Variants in CCND3 observed in about 807,000 individuals in gnomAD.
CCND3 encodes the protein cyclin D3.
A neutral mutation model predicts 28.7 loss-of-function variants in CCND3; 9 were observed. The ratio of observed to expected loss-of-function variants is 0.31; its 90% CI spans 0.19 to 0.55. CCND3 has a LOEUF of 0.55. CCND3 is among the 20% of genes least tolerant of loss of function. The pLI is 0.93. For synonymous variants in CCND3, 164 were observed against 163.9 expected, an observed-to-expected ratio of 1.00 and a Z score of 0.00; for missense variants, 315 against 385.8, an observed-to-expected ratio of 0.82 and a Z score of 1.54.
At chr6:41,985,925 GGC>G (rs1480684919) in intron 1 of CCND3, among the ~76,000 whole-genome samples, 150 of 1,944 alleles carry the variant, frequency 0.077, 2 homozygotes, top group Middle Eastern at 0.5. Flanking sequence ...CACCGCGCCC[GGC>G]CCAGTTTAAG....
At chr6:41,945,691 G>A (rs1372894579), upstream of CCND3, among the ~76,000 whole-genome samples, 2 of 152,206 alleles carry the variant, frequency 1.3e-5, no homozygotes, top group African/African-American at 4.8e-5. Context: ...TCTGGAGTCA[G>A]AGACTGCTTT....
In CCND3 at chr6:41,936,718, C is replaced by T. The variant is rs374101322; in HGVS notation, c.575-23G>A. The T allele has an allele frequency of 6.2e-7, 1 of 1,608,248 alleles. No individual in the cohort carries two copies. The highest frequency in any genetic ancestry group is 1.1e-5 in the South Asian group (1 of 90,684). Reference sequence around the variant, plus strand: ...AATCTTGGAGAGGAGGAAAGGGAACCATGAGAGAAGGAAACCTGAAGGATA... The same window carrying T: ...AATCTTGGAGAGGAGGAAAGGGAACTATGAGAGAAGGAAACCTGAAGGATA... On this transcript the variant is annotated intron_variant, in intron 3 of 4. Coordinates refer to ENST00000372991, the MANE Select transcript of CCND3 (RefSeq NM_001760.5). This position sits in a 1 kb window ranked among gnomAD's most constrained non-coding sequence, Gnocchi z 4.4.
chr6:41,975,710 C>T (rs1762159484), intron 1 of CCND3, among the ~76,000 whole-genome samples: 1 of 151,626 alleles, frequency 6.6e-6, no homozygotes. Flanking sequence ...GGCTACCTCT[C>T]CACTCACTGA....
chr6:41,947,357 C>T (rs1170916317), intron 1 of CCND3, among the ~76,000 whole-genome samples: 1 of 152,188 alleles, frequency 6.6e-6, no homozygotes, highest in East Asian at 1.9e-4. Context: ...CTGGAGGCTG[C>T]CTTCTTGGCA....
intron 1 of CCND3, among the ~76,000 whole-genome samples, chr6:42,043,892 A>AC (rs1764444647): frequency 6.6e-6 from 1 of 152,010 alleles, no homozygotes; most frequent in East Asian, 1.9e-4. Context: ...GGGGAATTTC[A>AC]CCCAGGGTGG....
chr6:41,959,263 G>A (rs1188510003), intron 1 of CCND3, among the ~76,000 whole-genome samples: 2 of 152,222 alleles, frequency 1.3e-5, no homozygotes, highest in East Asian at 3.9e-4. Context: ...GCGGTGAGCC[G>A]AGATTGCCTC....
chr6:41,972,634 T>C (rs1434105744), intron 1 of CCND3, among the ~76,000 whole-genome samples: 2 of 152,256 alleles, frequency 1.3e-5, no homozygotes, highest in South Asian at 4.1e-4. Context: ...AAGTGCACAG[T>C]ACTGTGCTGA....
chr6:41,946,595 C>CAAAAAA (rs35369019), upstream of CCND3, among the ~76,000 whole-genome samples: 184 of 20,914 alleles, frequency 8.8e-3, 42 homozygotes, highest in African/African-American at 0.023. Flanking sequence ...AGACCTGTCT[C>CAAAAAA]AAAAAAAAAA....
Position 41,975,806 on chromosome 6 carries a change from C to A in CCND3, c.-45-35221G>T, listed in dbSNP as rs145183244. ...TTCCTAGATATGTGAATTTTGTGGG[C>A]TAGTGACAACCAAGCCTTGATTGGA... On this transcript the variant is annotated intron_variant, in intron 1 of 4. Coordinates refer to the CCND3 transcript ENST00000372988. 2.5e-3 allele frequency among the ~76,000 whole-genome samples: 378 copies of A among 149,950 alleles called. 2 individuals are homozygous for A. The highest frequency in any genetic ancestry group is 8.9e-3 in the African/African-American group (360 of 40,628).
At chr6:41,948,916 A>G (rs1776237426) in intron 1 of CCND3, among the ~76,000 whole-genome samples, 1 of 152,176 alleles carries the variant, frequency 6.6e-6, no homozygotes. Context: ...GGCAACTCAC[A>G]TGGGGTTAAG....
Position 42,000,416 on chromosome 6 carries a change from A to AT in CCND3, c.-46+48084dup, listed in dbSNP as rs1170952944. Among the ~76,000 whole-genome samples, 17 of 149,124 alleles carry AT rather than the reference A, an allele frequency of 1.1e-4. No individual in the cohort carries two copies. In the Admixed American group the frequency reaches 1.1e-3, roughly 10 times the overall value. On this transcript the variant is annotated intron_variant, in intron 1 of 4. Transcript: ENST00000372988. ...ACACCACACCCGGCTAATTTTTTGT[A>AT]TTTTTAGTAGAGACAGGGTTTCATC...
intron 1 of CCND3, among the ~76,000 whole-genome samples, chr6:42,027,453 A>AG (rs1763911380): frequency 7.6e-6 from 1 of 130,946 alleles, no homozygotes; most frequent in African/African-American, 2.8e-5. Flanking sequence ...AAAAAAAAAA[A>AG]AAAAGACACC....
intron 1 of CCND3, among the ~76,000 whole-genome samples, chr6:41,990,289 T>C (rs1762609992): frequency 6.6e-6 from 1 of 151,870 alleles, no homozygotes; most frequent in African/African-American, 2.4e-5. Flanking sequence ...TGAAAGAAAT[T>C]GAAGTTGAAG....
chr6:41,995,575 G>A (rs76256187), intron 1 of CCND3, among the ~76,000 whole-genome samples: 3,643 of 152,100 alleles, frequency 0.024, 56 homozygotes, highest in South Asian at 0.068. Flanking sequence ...CTAATAAACA[G>A]GACAAATGCT....
chr6:42,045,717 C>T (rs542576353), intron 1 of CCND3, among the ~76,000 whole-genome samples: 2 of 152,358 alleles, frequency 1.3e-5, no homozygotes, highest in South Asian at 4.1e-4. Flanking sequence ...CTCTTTGAAA[C>T]TTGAGGATTT....
chr6:41,976,078 G>A (rs1233927557), intron 1 of CCND3, among the ~76,000 whole-genome samples: 2 of 152,120 alleles, frequency 1.3e-5, no homozygotes, highest in East Asian at 1.9e-4. Flanking sequence ...CTGGCCGGGC[G>A]CTGTGGCTCA....
intron 1 of CCND3, among the ~76,000 whole-genome samples, chr6:41,997,912 C>T (rs1762857149): frequency 1.3e-5 from 2 of 150,720 alleles, no homozygotes; most frequent in African/African-American, 4.9e-5. Flanking sequence ...GAGGCTGAGG[C>T]GGGTGGATCA....
At chr6:42,009,688 T>G (rs1763283648) in intron 1 of CCND3, among the ~76,000 whole-genome samples, 1 of 152,020 alleles carries the variant, frequency 6.6e-6, no homozygotes. Context: ...ACGCCCATAG[T>G]CCCAGCTACT....
intron 1 of CCND3, among the ~76,000 whole-genome samples, chr6:42,023,165 C>A (rs538701000): frequency 2.6e-5 from 4 of 152,334 alleles, no homozygotes; most frequent in Non-Finnish European, 5.9e-5. Flanking sequence ...GGGCAGTGCT[C>A]TGCCTGTTTC....
Sources: gnomAD v4.1 joint callset for allele counts (sites outside exome capture counted in the v4.1 genomes callset) on GRCh38, gnomAD v4.1.1 for gene constraint, Gnocchi (gnomAD v3.1) non-coding constraint, MANE v1.5 for transcripts, NCBI Gene and HGNC (gene_info 2026-07-23, HGNC 2026-07-21) for gene names.